Variants in ITGA9 observed in about 807,000 individuals in gnomAD.
ITGA9 encodes the protein integrin alpha-9.
ITGA9 carries 56 observed loss-of-function variants against 127.8 expected under a neutral mutation model. The observed-to-expected ratio is 0.44, with a 90% CI of 0.35 to 0.55. The LOEUF is 0.55. Ranked by LOEUF, ITGA9 falls within the 20% of genes least tolerant of loss-of-function variation. The pLI, the probability that ITGA9 is intolerant of heterozygous loss-of-function variation, is 0.00. For missense variants in ITGA9, 1,196 were observed against 1,347.1 expected (o/e 0.89, Z 1.76); for synonymous variants, 508 against 514.5 (o/e 0.99, Z 0.17).
At chr3:37,775,382 T>C (rs888826424) in intron 23 of ITGA9, among the ~76,000 whole-genome samples, 4 of 152,168 alleles carry the variant, frequency 2.6e-5, no homozygotes, top group African/African-American at 9.7e-5. Flanking sequence ...CGGTGGCTCA[T>C]GCCTGTAATC....
intron 15 of ITGA9, among the ~76,000 whole-genome samples, chr3:37,550,945 A>T (rs1699372349): frequency 6.6e-6 from 1 of 152,176 alleles, no homozygotes; most frequent in African/African-American, 2.4e-5. Flanking sequence ...CATACTGGTG[A>T]GTATTGGGCT....
chr3:37,483,403 G>C (rs539233547), intron 4 of ITGA9, among the ~76,000 whole-genome samples: 1 of 152,314 alleles, frequency 6.6e-6, no homozygotes, highest in South Asian at 2.1e-4. Flanking sequence ...CTTCCCAGAA[G>C]CTGTGAAAAA....
intron 1 of ITGA9, among the ~76,000 whole-genome samples, chr3:37,466,509 A>G (rs1045614712): frequency 8.0e-5 from 12 of 150,274 alleles, no homozygotes; most frequent in African/African-American, 2.9e-4. Flanking sequence ...AAAAAAAAAA[A>G]AAAAGGGCCT....
At chr3:37,526,660 A>G (rs144360737) in intron 13 of ITGA9, among the ~76,000 whole-genome samples, 86 of 152,340 alleles carry the variant, frequency 5.6e-4, no homozygotes, top group Middle Eastern at 3.4e-3. Flanking sequence ...GGCCGCCGCC[A>G]CCACCCGTGA....
At chr3:37,532,055 T>G (rs1017407057) in intron 13 of ITGA9, among the ~76,000 whole-genome samples, 3 of 152,208 alleles carry the variant, frequency 2.0e-5, no homozygotes, top group African/African-American at 7.2e-5. Flanking sequence ...AGATCCACTT[T>G]CCGATTTATT....
chr3:37,719,127 G>A (rs1701164246), intron 18 of ITGA9, among the ~76,000 whole-genome samples: 1 of 152,184 alleles, frequency 6.6e-6, no homozygotes, highest in Non-Finnish European at 1.5e-5. Context: ...AGAGGTGTGT[G>A]CAAGGCATCC....
intron 17 of ITGA9, among the ~76,000 whole-genome samples, chr3:37,675,893 A>G (rs993074795): frequency 1.3e-5 from 2 of 151,658 alleles, no homozygotes; most frequent in Non-Finnish European, 2.9e-5. Flanking sequence ...ACAGGTGTGC[A>G]CCACCACACC....
At chr3:37,593,074 A>G (rs1045472651) in intron 15 of ITGA9, among the ~76,000 whole-genome samples, 15 of 152,242 alleles carry the variant, frequency 9.9e-5, no homozygotes, top group Admixed American at 8.5e-4. Flanking sequence ...ACAGGCTGCC[A>G]TAAAAAAAGG....
At chr3:37,815,013 G>C (rs1016107135) in intron 27 of ITGA9, among the ~76,000 whole-genome samples, 2 of 152,224 alleles carry the variant, frequency 1.3e-5, no homozygotes, top group African/African-American at 4.8e-5. Context: ...GTGGGGCATA[G>C]AGCTTGCAAG....
At chr3:37,717,491 A>G (rs997653406) in intron 18 of ITGA9, among the ~76,000 whole-genome samples, 1 of 152,256 alleles carries the variant, frequency 6.6e-6, no homozygotes, top group Non-Finnish European at 1.5e-5. Context: ...CAGGCTTCAC[A>G]GGAAGCACGA....
rs533321406 is a variant in ITGA9 at position 37,570,882 on chromosome 3, G to T, written c.1689+28297G>T. ...AGCCCAAATTCAGTGATCTAAATCA[G>T]GGCTCAGATGAGGCTGTTTGTATTG... On this transcript the variant is annotated intron_variant, in intron 15 of 27. Coordinates refer to ENST00000264741, the MANE Select transcript of ITGA9 (RefSeq NM_002207.3). Among the ~76,000 whole-genome samples the T allele has an allele frequency of 1.3e-3, 200 of 152,308 alleles. 1 individual carries two copies. Among genetic ancestry groups the T allele is most frequent in the African/African-American group, 4.5e-3 (189 of 41,566 alleles).
chr3:37,629,442 C>A lies in ITGA9; in HGVS notation c.1839+106C>A. 8.1e-7 allele frequency: 1 copy of A among 1,233,318 alleles called. No homozygotes were observed. The allele number at this position is 1,233,318 out of a possible 1,614,324, so 76.4% of individuals were successfully genotyped here. The stretch of plus-strand genomic sequence containing the variant: ...CCGTGGGCCTGGCTGCTCAGGAGAC[C>A]GCAGCCAGGACACACCTCCTCTCTG... On this transcript the variant is annotated intron_variant, in intron 16 of 27. Coordinates refer to ENST00000264741, the MANE Select transcript of ITGA9 (RefSeq NM_002207.3). This position sits in a 1 kb window ranked among gnomAD's most constrained non-coding sequence, Gnocchi z 4.5.
At chr3:37,724,988 G>A (rs1343620188) in intron 18 of ITGA9, among the ~76,000 whole-genome samples, 5 of 151,986 alleles carry the variant, frequency 3.3e-5, no homozygotes, top group South Asian at 2.1e-4. Context: ...CCAGAATGTT[G>A]CCAACATTCT....
intron 11 of ITGA9, 114 bp from the exon 12 acceptor site, chr3:37,523,407 C>A: frequency 1.3e-6 from 1 of 777,076 alleles, no homozygotes; most frequent in Non-Finnish European, 2.2e-6. Context: ...TTTTTTTTTT[C>A]TTTCAACAAC....
intron 15 of ITGA9, among the ~76,000 whole-genome samples, chr3:37,576,013 G>A (rs142029368): frequency 9.1e-4 from 138 of 152,346 alleles, no homozygotes; most frequent in African/African-American, 3.2e-3. Flanking sequence ...CTCAGAAGAA[G>A]CCATGAAGGG....
intron 27 of ITGA9, among the ~76,000 whole-genome samples, chr3:37,817,281 T>C (rs1219744017): frequency 6.6e-6 from 1 of 152,220 alleles, no homozygotes; most frequent in Non-Finnish European, 1.5e-5. Flanking sequence ...GGTTTTCCAG[T>C]ATGACTTGGG....
chr3:37,793,655 A>C (rs1439571033), intron 26 of ITGA9, among the ~76,000 whole-genome samples: 1 of 152,112 alleles, frequency 6.6e-6, no homozygotes, highest in Non-Finnish European at 1.5e-5. Context: ...GCATCATGTA[A>C]GCAGTTTATT....
At position 37,452,514 on chromosome 3, in the gene ITGA9, T is replaced by G. The variant is rs1415533590; in HGVS notation, c.140T>G (p.Phe47Cys). The G allele has an allele frequency of 6.5e-7, 1 of 1,527,614 alleles. No homozygotes were observed. Among genetic ancestry groups the G allele is most frequent in the African/African-American group, 1.4e-5 (1 of 69,782 alleles). The allele number at this position is 1,527,614 out of a possible 1,614,324, so 94.6% of individuals were successfully genotyped here. ...CACTTCCAGGGCCCCGCTGACTCGT[T>G]CTTCGGCTACGCAGTTCTGGAGCAT... Reference protein sequence around the residue: ...PVHFQGPADSFFGYAVLEHFH... With the variant: ...PVHFQGPADSCFGYAVLEHFH... The change falls in exon 1 of 28, where the codon TTC becomes TGC. Residue 47 changes from phenylalanine (F) to cysteine (C), a missense_variant. Coordinates refer to ENST00000264741, the MANE Select transcript of ITGA9 (RefSeq NM_002207.3). This position sits in a 1 kb window ranked among gnomAD's most constrained non-coding sequence, Gnocchi z 7.3.
At chr3:37,586,099 A>G (rs1465925709) in intron 15 of ITGA9, among the ~76,000 whole-genome samples, 1 of 152,238 alleles carries the variant, frequency 6.6e-6, no homozygotes, top group Non-Finnish European at 1.5e-5. Flanking sequence ...GAGGTTTTAC[A>G]TATATTCTTT....
Sources: gnomAD v4.1 joint callset for allele counts (sites outside exome capture counted in the v4.1 genomes callset) on GRCh38, gnomAD v4.1.1 for gene constraint, Gnocchi (gnomAD v3.1) non-coding constraint, MANE v1.5 for transcripts, NCBI Gene and HGNC (gene_info 2026-07-23, HGNC 2026-07-21) for gene names.